The following CATSPERE variants were observed in gnomAD, a reference collection of about 807,000 sequenced individuals.
CATSPERE encodes the protein cation channel sperm-associated auxiliary subunit epsilon.
CATSPERE carries 93 observed loss-of-function variants against 114.1 expected under a neutral mutation model. That is an observed-to-expected ratio of 0.81 (90% CI 0.69 to 0.97). CATSPERE has a LOEUF of 0.97. Ranked by LOEUF, CATSPERE falls within the 50% of genes least tolerant of loss-of-function variation. CATSPERE has a pLI of 0.00. For missense variants in CATSPERE, 1,058 were observed against 1,131.6 expected (o/e 0.93, Z 0.93); for synonymous variants, 341 against 384.1 (o/e 0.89, Z 1.31).
chr1:244,547,558 G>A (rs1282028926), intron 8 of CATSPERE, among the ~76,000 whole-genome samples: 1 of 118,490 alleles, frequency 8.4e-6, no homozygotes, highest in African/African-American at 4.7e-5. Context: ...TTGTGAGGAA[G>A]AGTAGAGTAA....
At position 244,633,486 on chromosome 1, in the gene CATSPERE, T is replaced by G. The variant is rs76028600; in HGVS notation, c.2649-2003T>G. On this transcript the variant is annotated intron_variant, in intron 20 of 21. Coordinates refer to ENST00000366534, the MANE Select transcript of CATSPERE (RefSeq NM_001130957.2). The surrounding 1 kb of genome is among the most constrained non-coding windows in gnomAD (Gnocchi z 4.1). ...ATATGGCCCACTTACATCTAATCTA[T>G]TCCAAATCACTTTACAAACTGCTAT... Among the ~76,000 whole-genome samples the G allele has an allele frequency of 9.3e-3, 1,416 of 152,276 alleles. 26 individuals carry two copies. Among genetic ancestry groups the G allele is most frequent in the African/African-American group, 0.032 (1,340 of 41,538 alleles).
intron 15 of CATSPERE, among the ~76,000 whole-genome samples, chr1:244,592,949 C>T (rs1184068460): frequency 1.3e-5 from 2 of 151,994 alleles, no homozygotes; most frequent in African/African-American, 2.4e-5. Flanking sequence ...AGTTCATGAA[C>T]GTGAAGCATT....
chr1:244,558,089 T>A (rs550172619), intron 9 of CATSPERE, among the ~76,000 whole-genome samples: 19 of 151,184 alleles, frequency 1.3e-4, no homozygotes, highest in African/African-American at 4.6e-4. Flanking sequence ...GTGCTGAGAT[T>A]ACAGGCATGA....
At chr1:244,517,722 G>A (rs555775608) in intron 7 of CATSPERE, among the ~76,000 whole-genome samples, 1 of 150,924 alleles carries the variant, frequency 6.6e-6, no homozygotes, top group South Asian at 2.1e-4. Context: ...GCAGTGAGCC[G>A]AGATTGTGCC....
intron 8 of CATSPERE, among the ~76,000 whole-genome samples, chr1:244,521,967 GC>G (rs1326691213): frequency 1.3e-5 from 2 of 152,026 alleles, no homozygotes; most frequent in Non-Finnish European, 2.9e-5. Context: ...ATTGAACTCA[GC>G]TCTGCACCAA....
chr1:244,597,591 G>A (rs781608023), intron 17 of CATSPERE, among the ~76,000 whole-genome samples: 6 of 131,772 alleles, frequency 4.6e-5, no homozygotes, highest in African/African-American at 1.2e-4. Context: ...TAAGTCTTAC[G>A]ATCACCTATA....
chr1:244,459,942 C>T (rs1301601475), upstream of CATSPERE, among the ~76,000 whole-genome samples: 1 of 152,226 alleles, frequency 6.6e-6, no homozygotes, highest in African/African-American at 2.4e-5. Flanking sequence ...CCTCCCCTGT[C>T]AGCAGGAAGA....
chr1:244,618,586 G>C (rs1671686637), intron 20 of CATSPERE, among the ~76,000 whole-genome samples: 1 of 119,710 alleles, frequency 8.4e-6, no homozygotes, highest in African/African-American at 3.2e-5. Flanking sequence ...TTCAAGACCA[G>C]CTTGACCAAT....
intron 12 of CATSPERE, 116 bp from the exon 13 acceptor site, chr1:244,583,748 T>A (rs559703049): frequency 1.3e-6 from 1 of 794,458 alleles, no homozygotes; most frequent in Admixed American, 2.5e-5. Flanking sequence ...CTCTAGAAAT[T>A]GGCGTGGGAG....
At chr1:244,547,573 T>C (rs1419235807) in intron 8 of CATSPERE, among the ~76,000 whole-genome samples, 2 of 148,604 alleles carry the variant, frequency 1.3e-5, no homozygotes, top group Non-Finnish European at 2.9e-5. Flanking sequence ...GAGTAAAATA[T>C]AGAAAAATTT....
At chr1:244,601,810 G>A (rs562842781) in intron 17 of CATSPERE, among the ~76,000 whole-genome samples, 41 of 152,148 alleles carry the variant, frequency 2.7e-4, no homozygotes, top group African/African-American at 9.6e-4. Context: ...GAAATTAGCC[G>A]GGCGTGGGTG....
rs1412358212 is a variant in CATSPERE at position 244,538,309 on chromosome 1, AT to A, written c.537-14007del. 1.2e-4 allele frequency among the ~76,000 whole-genome samples: 18 copies of A among 152,314 alleles called. No homozygotes were observed. In the East Asian group the frequency reaches 3.5e-3, roughly 29 times the overall value. On this transcript the variant is annotated intron_variant, in intron 8 of 21. Coordinates refer to ENST00000366534, the MANE Select transcript of CATSPERE (RefSeq NM_001130957.2). ...TACCAAAATGACAGGGAGAAAAAAA[AT>A]TTTTTAAGGTTACAAACCTATAAAG...
intron 10 of CATSPERE, among the ~76,000 whole-genome samples, chr1:244,564,456 AG>A (rs1006198893): frequency 1.3e-5 from 2 of 152,064 alleles, no homozygotes; most frequent in Admixed American, 6.6e-5. Flanking sequence ...CTCCTTGAAG[AG>A]GTCCTTTACA....
At chr1:244,516,781 C>T (rs997300438) in intron 7 of CATSPERE, among the ~76,000 whole-genome samples, 2 of 152,060 alleles carry the variant, frequency 1.3e-5, no homozygotes, top group African/African-American at 4.8e-5. Context: ...GTTGGCCTCC[C>T]GAAGTGCTGG....
At chr1:244,510,835 C>CTTTTTTTTTTT (rs747921082) in intron 7 of CATSPERE, among the ~76,000 whole-genome samples, 135 of 48,324 alleles carry the variant, frequency 2.8e-3, no homozygotes, top group East Asian at 4.0e-3. Flanking sequence ...TTTTCTTTTT[C>CTTTTTTTTTTT]TTTTTTTTTT....
chr1:244,596,585 GATT>G (rs903294289), intron 17 of CATSPERE, among the ~76,000 whole-genome samples: 3 of 151,812 alleles, frequency 2.0e-5, no homozygotes, highest in Non-Finnish European at 4.4e-5. Flanking sequence ...GAAAATTAGT[GATT>G]ATACACACCG....
chr1:244,515,577 G>A (rs999319287), intron 7 of CATSPERE, among the ~76,000 whole-genome samples: 6 of 152,150 alleles, frequency 3.9e-5, no homozygotes, highest in East Asian at 3.9e-4. Context: ...ATGAGATCAC[G>A]TAGGAAGAGA....
intron 11 of CATSPERE, 106 bp downstream of exon 11, chr1:244,572,878 T>C (rs1029081129): frequency 5.3e-6 from 4 of 747,846 alleles, no homozygotes; most frequent in Admixed American, 7.1e-5. Flanking sequence ...TGGGAAAATG[T>C]TGAGGAATGT....
chr1:244,608,270 C>A (rs1307436031), intron 18 of CATSPERE, among the ~76,000 whole-genome samples: 1 of 151,182 alleles, frequency 6.6e-6, no homozygotes, highest in Non-Finnish European at 1.5e-5. Context: ...TGGTGGCTCA[C>A]ACCTATAATC....
Sources: allele counts gnomAD v4.1 joint callset (sites outside exome capture counted in the v4.1 genomes callset), GRCh38; gene constraint gnomAD v4.1.1; non-coding constraint Gnocchi (gnomAD v3.1); transcripts MANE v1.5; gene names NCBI Gene and HGNC (gene_info 2026-07-23, HGNC 2026-07-21).